The following SH3RF1 variants were observed in gnomAD, a reference collection of about 807,000 sequenced individuals.
SH3RF1 encodes E3 ubiquitin-protein ligase SH3RF1.
In SH3RF1, 32 loss-of-function variants were observed where a neutral mutation model predicts 74.0. The ratio of observed to expected loss-of-function variants is 0.43; its 90% CI spans 0.33 to 0.58. The LOEUF (loss-of-function observed/expected upper bound fraction) is 0.58, where lower values mean the gene tolerates loss of function less well. Ranked by LOEUF, SH3RF1 falls within the 20% of genes least tolerant of loss-of-function variation. SH3RF1 has a pLI of 0.05. For synonymous variants in SH3RF1, 396 were observed against 439.6 expected, an observed-to-expected ratio of 0.90 and a Z score of 1.24; for missense variants, 954 against 1,130.9, an observed-to-expected ratio of 0.84 and a Z score of 2.24.
At chr4:169,107,346 A>T (rs1400321237) in intron 10 of SH3RF1, 141 bp from the exon 11 acceptor site, 1 of 601,444 alleles carries the variant, frequency 1.7e-6, no homozygotes, top group African/African-American at 1.9e-5. Context: ...ATGGGGCCTT[A>T]TGGTTTCAAT....
intron 11 of SH3RF1, among the ~76,000 whole-genome samples, chr4:169,101,803 G>A (rs1323680393): frequency 5.9e-5 from 9 of 151,910 alleles, no homozygotes; most frequent in Admixed American, 3.9e-4. Context: ...CTCACAGACC[G>A]GTCCCTGAAT....
At chr4:169,102,974 T>C (rs1235081698) in intron 11 of SH3RF1, among the ~76,000 whole-genome samples, 1 of 128,488 alleles carries the variant, frequency 7.8e-6, no homozygotes, top group Non-Finnish European at 1.5e-5. Context: ...CTGGATGGAG[T>C]GCAGTGATGC....
chr4:169,248,262 C>T (rs1053660480), intron 2 of SH3RF1, among the ~76,000 whole-genome samples: 2 of 152,020 alleles, frequency 1.3e-5, no homozygotes, highest in Non-Finnish European at 2.9e-5. Context: ...TGATAGACCG[C>T]ATAAAGAAAA....
chr4:169,141,605 T>C (rs1047247073), intron 4 of SH3RF1, among the ~76,000 whole-genome samples: 17 of 152,112 alleles, frequency 1.1e-4, no homozygotes, highest in African/African-American at 4.1e-4. Flanking sequence ...TTCTATTGGA[T>C]TGTTAGTATT....
chr4:169,147,061 T>C (rs1733905724), intron 4 of SH3RF1, among the ~76,000 whole-genome samples: 2 of 152,362 alleles, frequency 1.3e-5, no homozygotes, highest in South Asian at 4.1e-4. Flanking sequence ...ATGTACAGTC[T>C]ATTCATGGTG....
intron 2 of SH3RF1, among the ~76,000 whole-genome samples, chr4:169,248,062 T>TTGTGGAAAACAGTGTGGCA (rs1731034098): frequency 6.6e-6 from 1 of 152,224 alleles, no homozygotes; most frequent in African/African-American, 2.4e-5. Context: ...AGTTCCACCA[T>TTGTGGAAAACAGTGTGGCA]TGTGGAAAAC....
chr4:169,096,675 C>G lies in SH3RF1; in HGVS notation c.2511G>C (p.Val837=). The stretch of plus-strand genomic sequence containing the variant: ...CCTCACTCTGAGGAGGATAGGAAAC[C>G]ACCACCCTGTGCCTAGAAAAGAAAG... ...RPVVCERHRV[V]VSYPPQSEAE... Residue 837 remains valine, a synonymous_variant, in exon 12 of 12, where the codon GTG becomes GTC. Transcript: ENST00000284637. The G allele has an allele frequency of 7.4e-6, 12 of 1,612,002 alleles. No individual in the cohort carries two copies. The highest frequency in any genetic ancestry group is 1.0e-5 in the Non-Finnish European group (12 of 1,179,438).
intron 2 of SH3RF1, among the ~76,000 whole-genome samples, chr4:169,203,585 T>G (rs1336685623): frequency 1.3e-5 from 2 of 152,106 alleles, no homozygotes; most frequent in African/African-American, 4.8e-5. Flanking sequence ...AATTCTGTTC[T>G]AATTGCTCTG....
At chr4:169,174,394 C>A (rs1696359924) in intron 2 of SH3RF1, among the ~76,000 whole-genome samples, 1 of 152,124 alleles carries the variant, frequency 6.6e-6, no homozygotes, top group Non-Finnish European at 1.5e-5. Context: ...TTAATGAGGG[C>A]ACGAATCACC....
At chr4:169,245,741 G>A (rs1467208509) in intron 2 of SH3RF1, among the ~76,000 whole-genome samples, 1 of 152,168 alleles carries the variant, frequency 6.6e-6, no homozygotes, top group Non-Finnish European at 1.5e-5. Flanking sequence ...CAGTAATAAA[G>A]ACTGTAACCT....
chr4:169,200,832 C>T (rs1369496772), intron 2 of SH3RF1, among the ~76,000 whole-genome samples: 2 of 152,112 alleles, frequency 1.3e-5, no homozygotes, highest in Non-Finnish European at 1.5e-5. Flanking sequence ...AATAATTAGT[C>T]CATCCCAACT....
intron 8 of SH3RF1, among the ~76,000 whole-genome samples, chr4:169,119,342 A>G (rs902105987): frequency 7.1e-6 from 1 of 141,730 alleles, no homozygotes; most frequent in Non-Finnish European, 1.5e-5. Flanking sequence ...TCAGGCCTCA[A>G]GTGATCAACT....
At chr4:169,123,755 G>A (rs1733479605) in intron 6 of SH3RF1, among the ~76,000 whole-genome samples, 1 of 152,134 alleles carries the variant, frequency 6.6e-6, no homozygotes, top group Admixed American at 6.5e-5. Flanking sequence ...AGCCGGGTGT[G>A]ATGGCGGGTG....
intron 2 of SH3RF1, among the ~76,000 whole-genome samples, chr4:169,255,290 T>C (rs926332546): frequency 6.6e-6 from 1 of 152,164 alleles, no homozygotes; most frequent in African/African-American, 2.4e-5. Context: ...ATAAATTTAT[T>C]GAAATTTGAA....
chr4:169,145,351 A>G (rs1185930253), intron 4 of SH3RF1, among the ~76,000 whole-genome samples: 2 of 152,136 alleles, frequency 1.3e-5, no homozygotes, highest in East Asian at 3.9e-4. Context: ...CAAATACTGC[A>G]TTTTCCCACT....
intron 2 of SH3RF1, among the ~76,000 whole-genome samples, chr4:169,197,342 C>T (rs1174874168): frequency 6.6e-6 from 1 of 151,820 alleles, no homozygotes; most frequent in Non-Finnish European, 1.5e-5. Context: ...AAAGCCCACC[C>T]AGCAGGGCGC....
chr4:169,231,575 A>T (rs1010786243), intron 2 of SH3RF1, among the ~76,000 whole-genome samples: 27 of 150,592 alleles, frequency 1.8e-4, no homozygotes, highest in Middle Eastern at 3.4e-3. Context: ...CAAAAAAAAA[A>T]TTTTTTTTTT....
intron 2 of SH3RF1, among the ~76,000 whole-genome samples, chr4:169,172,657 A>G (rs563627396): frequency 2.0e-5 from 3 of 152,296 alleles, no homozygotes; most frequent in Non-Finnish European, 4.4e-5. Flanking sequence ...CAACTTGATC[A>G]GATTGAGGGA....
intron 4 of SH3RF1, among the ~76,000 whole-genome samples, chr4:169,143,961 A>G (rs1019511138): frequency 6.6e-6 from 1 of 152,256 alleles, no homozygotes; most frequent in Non-Finnish European, 1.5e-5. Context: ...AGGGACTGTC[A>G]GAGAAAACCA....
Sources: gnomAD v4.1 joint callset for allele counts (sites outside exome capture counted in the v4.1 genomes callset) on GRCh38, gnomAD v4.1.1 for gene constraint, MANE v1.5 for transcripts, NCBI Gene and HGNC (gene_info 2026-07-23, HGNC 2026-07-21) for gene names.